The following CLTC variants were observed in gnomAD, a reference collection of about 807,000 sequenced individuals.
CLTC encodes the protein clathrin heavy chain.
In CLTC, 16 loss-of-function variants were observed where a neutral mutation model predicts 195.8. That is an observed-to-expected ratio of 0.08 (90% CI 0.06 to 0.12). The LOEUF (loss-of-function observed/expected upper bound fraction) is 0.12, where lower values mean the gene tolerates loss of function less well. Among genes scored for constraint, CLTC ranks in the 10% least tolerant of loss-of-function variants. The pLI, the probability that CLTC is intolerant of heterozygous loss-of-function variation, is 1.00. For missense variants in CLTC, 796 were observed against 2,027.0 expected, an observed-to-expected ratio of 0.39 and a Z score of 11.66; for synonymous variants, 667 against 689.4, an observed-to-expected ratio of 0.97 and a Z score of 0.51.
rs552772255 is a variant in CLTC at position 59,694,664 on chromosome 17, G to A, written c.*812G>A. ...ATATTGTGGTGTTTTAGATCACTGAGTGTACAGAAGAGAGAAATTCAAACA... is the reference window on the plus strand; with the variant it reads ...ATATTGTGGTGTTTTAGATCACTGAATGTACAGAAGAGAGAAATTCAAACA... On this transcript the variant is annotated 3_prime_UTR_variant, in exon 32 of 32. Transcript: ENST00000269122. 4.0e-5 allele frequency: 9 copies of A among 225,818 alleles called. No individual in the cohort carries two copies. In the South Asian group the frequency reaches 1.5e-3, roughly 37 times the overall value. The allele number at this position is 225,818 out of a possible 1,614,324, so 14.0% of individuals were successfully genotyped here. A position where few individuals can be genotyped will look rare whatever the true frequency, so the allele number is the denominator to read the frequency against.
At chr17:59,678,625 C>T (rs2033016208) in intron 17 of CLTC, among the ~76,000 whole-genome samples, 1 of 152,188 alleles carries the variant, frequency 6.6e-6, no homozygotes, top group African/African-American at 2.4e-5. Flanking sequence ...TTTTCTGGCA[C>T]ACAATACACC....
At chr17:59,628,360 T>C (rs1393991551) in intron 1 of CLTC, among the ~76,000 whole-genome samples, 1 of 152,190 alleles carries the variant, frequency 6.6e-6, no homozygotes, top group East Asian at 1.9e-4. Context: ...CAGTATGTTT[T>C]TGTATTTGTA....
At chr17:59,653,187 ATTTATTTTATTTATTTT>A (rs1431927403) in intron 5 of CLTC, among the ~76,000 whole-genome samples, 1 of 149,432 alleles carries the variant, frequency 6.7e-6, no homozygotes, top group Non-Finnish European at 1.5e-5. Context: ...TTATTTATTT[ATTTATTTTATTTATTTT>A]TTTTTTTGAG....
rs370704600 is a variant in CLTC at position 59,666,766 on chromosome 17, T to C, written c.1948-31T>C. Reference sequence around the variant, plus strand: ...CCATGAGGTTCAACATTATTTCATTTATTCATTCATTCATTTATTTTGTCT... The same window carrying C: ...CCATGAGGTTCAACATTATTTCATTCATTCATTCATTCATTTATTTTGTCT... On this transcript the variant is annotated intron_variant, in intron 12 of 31. Transcript: ENST00000269122. This position sits in a 1 kb window ranked among gnomAD's most constrained non-coding sequence, Gnocchi z 4.9. The C allele has an allele frequency of 1.5e-4, 244 of 1,584,650 alleles. No individual in the cohort carries two copies. The highest frequency in any genetic ancestry group is 5.0e-4 in the Middle Eastern group (3 of 5,950).
At chr17:59,627,150 C>T (rs1474282403) in intron 1 of CLTC, among the ~76,000 whole-genome samples, 2 of 152,160 alleles carry the variant, frequency 1.3e-5, no homozygotes, top group African/African-American at 4.8e-5. Context: ...GTCCACCTGC[C>T]ACAGCCTCCC....
At chr17:59,677,646 G>A (rs537113447) in intron 17 of CLTC, among the ~76,000 whole-genome samples, 23 of 152,228 alleles carry the variant, frequency 1.5e-4, no homozygotes, top group Admixed American at 1.5e-3. Context: ...TTCTATTCTA[G>A]TTTTGTCAGT....
intron 4 of CLTC, among the ~76,000 whole-genome samples, chr17:59,649,744 G>A (rs1008507564): frequency 6.6e-6 from 1 of 152,138 alleles, no homozygotes; most frequent in Non-Finnish European, 1.5e-5. Flanking sequence ...AAAATTTCAC[G>A]ATAGCCCCTG....
At chr17:59,651,437 A>G in intron 5 of CLTC, 121 bp downstream of exon 5, 1 of 704,174 alleles carries the variant, frequency 1.4e-6, no homozygotes, top group Non-Finnish European at 2.4e-6. Flanking sequence ...TTTAAAGTTT[A>G]TTAGTGAAGC....
chr17:59,684,964 A>G (rs2033151380), intron 28 of CLTC, 92 bp from the exon 29 acceptor site: 19 of 959,980 alleles, frequency 2.0e-5, no homozygotes, highest in Admixed American at 5.2e-5. Context: ...GTCATATTAC[A>G]TGTTACCATC....
intron 1 of CLTC, among the ~76,000 whole-genome samples, chr17:59,636,631 G>A (rs1228354984): frequency 6.6e-6 from 1 of 152,040 alleles, no homozygotes. Context: ...GGGATTACAG[G>A]TGTGAACCAC....
At chr17:59,663,772 A>C in intron 8 of CLTC, 70 bp from the exon 9 acceptor site, 1 of 1,301,984 alleles carries the variant, frequency 7.7e-7, no homozygotes, top group South Asian at 1.4e-5. Flanking sequence ...CTTATAGTGG[A>C]CATAGTGTCA....
At chr17:59,639,340 T>C (rs2031961590) in intron 1 of CLTC, among the ~76,000 whole-genome samples, 1 of 152,214 alleles carries the variant, frequency 6.6e-6, no homozygotes, top group African/African-American at 2.4e-5. Context: ...AGTGCTTTAC[T>C]GTATGCACGT....
chr17:59,677,281 T>C, intron 17 of CLTC, 93 bp downstream of exon 17: 3 of 917,454 alleles, frequency 3.3e-6, no homozygotes, highest in Non-Finnish European at 5.0e-6. Context: ...TATGGGACAT[T>C]TGGGGACGGT....
intron 28 of CLTC, chr17:59,684,266 A>C (rs2033134086): frequency 3.4e-6 from 1 of 290,382 alleles, no homozygotes; most frequent in Admixed American, 4.7e-5. Context: ...GTCTTTGACC[A>C]CTTAACTAAT....
intron 31 of CLTC, among the ~76,000 whole-genome samples, chr17:59,691,632 AAT>A (rs1267690064): frequency 1.3e-4 from 19 of 145,486 alleles, no homozygotes; most frequent in African/African-American, 3.3e-4. Context: ...TTAAAAAAAA[AAT>A]ATATATATAT....
At position 59,655,865 on chromosome 17, in the gene CLTC, G is replaced by A. The variant is rs2143527776; in HGVS notation, c.807G>A (p.Lys269=). Residue 269 remains lysine (K), a synonymous_variant, in exon 6 of 32, where the codon AAG becomes AAA. Transcript: ENST00000269122. ...TTTTCTTTCTGTAGATCAGTGAAAA[G>A]CATGATGTGGTGTTCTTGATAACCA... ...DFPVAMQISE[K]HDVVFLITKY... 6.4e-7 allele frequency: 1 copy of A among 1,573,298 alleles called. No homozygotes were observed. Among genetic ancestry groups the A allele is most frequent in the Non-Finnish European group, 8.6e-7 (1 of 1,166,122 alleles).
Position 59,663,822 on chromosome 17 carries a change from T to C in CLTC, c.1369-20T>C, listed in dbSNP as rs750169756. ...AAACAGTTCATGGATCACTAAACAA[T>C]CTCTTTTTCCTTTGGACAGCTGGAA... is the stretch of plus-strand genomic sequence containing the variant. On this transcript the variant is annotated intron_variant, in intron 8 of 31. Coordinates refer to ENST00000269122, the MANE Select transcript of CLTC (RefSeq NM_004859.4). The C allele has an allele frequency of 2.5e-6, 4 of 1,604,518 alleles. No homozygotes were observed. The South Asian group carries it at 4.5e-5, about 18-fold the overall frequency.
intron 1 of CLTC, among the ~76,000 whole-genome samples, chr17:59,627,853 A>C (rs1006144689): frequency 6.6e-6 from 1 of 152,182 alleles, no homozygotes; most frequent in African/African-American, 2.4e-5. Context: ...GTCTGAAGCC[A>C]CTTGTGAAAG....
chr17:59,661,354 A>AGT (rs1437939401), intron 7 of CLTC, 89 bp from the exon 8 acceptor site: 1 of 953,340 alleles, frequency 1.0e-6, no homozygotes, highest in African/African-American at 1.6e-5. Context: ...CAGGGTGTTT[A>AGT]GTGTGATGTT....
Sources: gnomAD v4.1 joint callset for allele counts (sites outside exome capture counted in the v4.1 genomes callset) on GRCh38, gnomAD v4.1.1 for gene constraint, Gnocchi (gnomAD v3.1) non-coding constraint, MANE v1.5 for transcripts, NCBI Gene and HGNC (gene_info 2026-07-23, HGNC 2026-07-21) for gene names.